SPON1: variants seen among roughly 807,000 people sequenced by gnomAD.
The protein encoded by SPON1 is spondin 1.
A neutral mutation model predicts 111.7 loss-of-function variants in SPON1; 52 were observed. The ratio of observed to expected loss-of-function variants is 0.47; its 90% CI spans 0.37 to 0.59. The LOEUF (loss-of-function observed/expected upper bound fraction) is 0.59, where lower values mean the gene tolerates loss of function less well. Among genes scored for constraint, SPON1 ranks in the 20% least tolerant of loss-of-function variants. The pLI, the probability that SPON1 is intolerant of heterozygous loss-of-function variation, is 0.00. For synonymous variants in SPON1, 410 were observed against 395.8 expected (o/e 1.04, Z -0.43); for missense variants, 957 against 1,068.5 (o/e 0.90, Z 1.46).
chr11:14,209,134 C>T (rs1848546580), intron 6 of SPON1, among the ~76,000 whole-genome samples: 1 of 151,840 alleles, frequency 6.6e-6, no homozygotes, highest in Non-Finnish European at 1.5e-5. Flanking sequence ...GAGAAGTTAC[C>T]CATAGTTGCA....
At chr11:14,132,271 C>T (rs149809812) in intron 5 of SPON1, among the ~76,000 whole-genome samples, 2 of 151,166 alleles carry the variant, frequency 1.3e-5, no homozygotes, top group African/African-American at 4.9e-5. Context: ...GTACAAGACT[C>T]CGTCTCAAAA....
At chr11:14,183,788 T>G (rs1387337545) in intron 6 of SPON1, among the ~76,000 whole-genome samples, 5 of 150,778 alleles carry the variant, frequency 3.3e-5, no homozygotes, top group African/African-American at 1.2e-4. Context: ...ACTCTAAAGA[T>G]ATGGTCTTCC....
intron 3 of SPON1, among the ~76,000 whole-genome samples, chr11:14,049,001 C>T (rs370514918): frequency 1.3e-5 from 2 of 152,192 alleles, no homozygotes; most frequent in East Asian, 1.9e-4. Context: ...AAGAGCCAGG[C>T]ACTGTTCTGG....
At chr11:14,009,478 T>C (rs1848388259) in intron 2 of SPON1, among the ~76,000 whole-genome samples, 1 of 152,252 alleles carries the variant, frequency 6.6e-6, no homozygotes, top group Non-Finnish European at 1.5e-5. Flanking sequence ...TCTCAGCTCA[T>C]ATATAGCAAG....
At chr11:14,021,558 C>G (rs1360818934) in intron 2 of SPON1, among the ~76,000 whole-genome samples, 1 of 152,200 alleles carries the variant, frequency 6.6e-6, no homozygotes, top group Non-Finnish European at 1.5e-5. Context: ...TTGTTCAGCA[C>G]TTCCCAAACA....
chr11:14,091,018 G>A (rs1849050640), intron 5 of SPON1, among the ~76,000 whole-genome samples: 1 of 151,958 alleles, frequency 6.6e-6, no homozygotes, highest in Admixed American at 6.6e-5. Context: ...GCTAGACACA[G>A]CGTGTCGATT....
At chr11:14,215,781 A>C (rs1848619770) in intron 6 of SPON1, among the ~76,000 whole-genome samples, 1 of 152,212 alleles carries the variant, frequency 6.6e-6, no homozygotes, top group Non-Finnish European at 1.5e-5. Context: ...CCCCTTGTAC[A>C]TCACAGTTTA....
At chr11:14,100,045 G>A (rs1157017615) in intron 5 of SPON1, among the ~76,000 whole-genome samples, 1 of 152,054 alleles carries the variant, frequency 6.6e-6, no homozygotes, top group Admixed American at 6.5e-5. Flanking sequence ...CAATACTGGG[G>A]GTTACATTTC....
intron 5 of SPON1, among the ~76,000 whole-genome samples, chr11:14,098,264 G>A (rs937056158): frequency 2.8e-4 from 43 of 152,326 alleles, no homozygotes; most frequent in African/African-American, 1.0e-3. Flanking sequence ...CCAAAGTGCT[G>A]GGATTACAGG....
chr11:14,070,373 C>G (rs1848865785), intron 3 of SPON1, among the ~76,000 whole-genome samples: 2 of 152,150 alleles, frequency 1.3e-5, no homozygotes, highest in South Asian at 4.1e-4. Flanking sequence ...TTTATTGTCT[C>G]TGTCTGAAGC....
chr11:14,161,086 A>C lies in SPON1; in HGVS notation c.825+25518A>C, dbSNP rs192253473. Among the ~76,000 whole-genome samples the C allele has an allele frequency of 3.7e-3, 94 of 25,444 alleles. 20 individuals carry two copies. Among genetic ancestry groups the C allele is most frequent in the African/African-American group, 9.4e-3 (70 of 7,448 alleles). 16.7% of individuals were successfully genotyped at this position (25,444 alleles called of 152,430 possible). On this transcript the variant is annotated intron_variant, in intron 6 of 15. Coordinates refer to ENST00000576479, the MANE Select transcript of SPON1 (RefSeq NM_006108.4). ...ATATATCTATAATTTTTATATATTTATATATATCTATATATTTTATATATA... is the reference window on the plus strand; with the variant it reads ...ATATATCTATAATTTTTATATATTTCTATATATCTATATATTTTATATATA...
At chr11:13,986,581 C>CT (rs370430969) in intron 2 of SPON1, among the ~76,000 whole-genome samples, 101 of 143,370 alleles carry the variant, frequency 7.0e-4, no homozygotes, top group Admixed American at 1.5e-3. Flanking sequence ...TCTGAATATT[C>CT]TTTTTTTTTT....
intron 5 of SPON1, among the ~76,000 whole-genome samples, chr11:14,112,720 G>A (rs16913643): frequency 0.03 from 4,637 of 152,276 alleles, 215 homozygotes; most frequent in African/African-American, 0.1. Flanking sequence ...GTTAAGGACT[G>A]CCTGCTATCC....
At chr11:14,240,418 G>A (rs1848912781) in intron 6 of SPON1, among the ~76,000 whole-genome samples, 1 of 152,220 alleles carries the variant, frequency 6.6e-6, no homozygotes, top group Non-Finnish European at 1.5e-5. Flanking sequence ...ACCACTAGAT[G>A]AAAAGATTTA....
intron 6 of SPON1, among the ~76,000 whole-genome samples, chr11:14,182,074 G>A (rs1848239724): frequency 6.6e-6 from 1 of 152,152 alleles, no homozygotes; most frequent in Non-Finnish European, 1.5e-5. Flanking sequence ...TTGGCTTTGG[G>A]TCTCCAGTAT....
intron 10 of SPON1, 101 bp downstream of exon 10, chr11:14,256,793 TGACTTG>T: frequency 3.4e-6 from 3 of 879,138 alleles, no homozygotes; most frequent in Non-Finnish European, 5.5e-6. Flanking sequence ...CCATGTGCTT[TGACTTG>T]GTAATCATAT....
chr11:13,985,197 A>G (rs2618511), intron 2 of SPON1, among the ~76,000 whole-genome samples: 101,344 of 152,114 alleles, frequency 0.67, 34,279 homozygotes, highest in African/African-American at 0.78. Context: ...GCCCTCTAAC[A>G]GGATGTCGTC....
At chr11:14,247,489 GC>G (rs1554940342) in intron 7 of SPON1, among the ~76,000 whole-genome samples, 1 of 152,164 alleles carries the variant, frequency 6.6e-6, no homozygotes, top group Non-Finnish European at 1.5e-5. Context: ...ACAGCACTCG[GC>G]CCCTGTGTGA....
intron 2 of SPON1, among the ~76,000 whole-genome samples, chr11:13,995,199 A>C (rs1351919492): frequency 6.6e-6 from 1 of 152,214 alleles, no homozygotes; most frequent in Non-Finnish European, 1.5e-5. Context: ...TAAATATAGT[A>C]AGTATTTGCT....
Sources: allele counts gnomAD v4.1 joint callset (sites outside exome capture counted in the v4.1 genomes callset), GRCh38; gene constraint gnomAD v4.1.1; transcripts MANE v1.5; gene names NCBI Gene and HGNC (gene_info 2026-07-23, HGNC 2026-07-21).